The following MLIP variants were observed in gnomAD, a reference collection of about 807,000 sequenced individuals.
The protein encoded by MLIP is muscular LMNA interacting protein.
Under a neutral mutation model 84.8 loss-of-function variants are expected in MLIP, and 79 were observed. The ratio of observed to expected loss-of-function variants is 0.93; its 90% CI spans 0.78 to 1.12. The LOEUF is 1.12. Ranked by LOEUF, MLIP falls within the 50% of genes most tolerant of loss-of-function variation. The pLI is 0.00. For synonymous variants in MLIP, 504 were observed against 463.0 expected, an observed-to-expected ratio of 1.09 and a Z score of -1.14; for missense variants, 1,257 against 1,160.6, an observed-to-expected ratio of 1.08 and a Z score of -1.21.
At chr6:54,166,197 G>A (rs1332344603) in intron 8 of MLIP, among the ~76,000 whole-genome samples, 1 of 151,900 alleles carries the variant, frequency 6.6e-6, no homozygotes, top group East Asian at 1.9e-4. Flanking sequence ...AAGAATGTTT[G>A]TAGTTTGGTG....
At chr6:54,219,186 C>A (rs1307157615) in intron 11 of MLIP, among the ~76,000 whole-genome samples, 5 of 150,730 alleles carry the variant, frequency 3.3e-5, no homozygotes. Context: ...AGCCTGGGGA[C>A]AGAGCGAGAC....
At chr6:54,212,103 T>A (rs2150744398) in intron 11 of MLIP, among the ~76,000 whole-genome samples, 1 of 152,348 alleles carries the variant, frequency 6.6e-6, no homozygotes, top group South Asian at 2.1e-4. Flanking sequence ...TGATTCCAGA[T>A]ATATCGGCAA....
intron 11 of MLIP, chr6:54,216,673 A>G (rs1779876187): frequency 1.0e-6 from 1 of 984,244 alleles, no homozygotes; most frequent in Admixed American, 6.2e-5. Flanking sequence ...CACAAGTTCA[A>G]ATTTTCTTGG....
intron 3 of MLIP, among the ~76,000 whole-genome samples, chr6:54,129,152 A>G (rs754142666): frequency 6.6e-6 from 1 of 152,184 alleles, no homozygotes; most frequent in Non-Finnish European, 1.5e-5. Context: ...TCATGGATTC[A>G]TAGAAAAGGG....
At chr6:54,115,680 T>G (rs1307877335) in intron 1 of MLIP, among the ~76,000 whole-genome samples, 1 of 152,162 alleles carries the variant, frequency 6.6e-6, no homozygotes, top group Admixed American at 6.5e-5. Flanking sequence ...AAGAAGCATT[T>G]AATACGGGTG....
intron 1 of MLIP, among the ~76,000 whole-genome samples, chr6:54,029,628 C>A (rs1378224025): frequency 6.6e-6 from 1 of 152,070 alleles, no homozygotes; most frequent in Non-Finnish European, 1.5e-5. Flanking sequence ...TTAAACCCAG[C>A]AACTTTTTTT....
chr6:54,047,548 G>A (rs1765134970), intron 1 of MLIP: 1 of 152,216 alleles, frequency 6.6e-6, no homozygotes, highest in Non-Finnish European at 1.5e-5. Context: ...TGATGGCAGA[G>A]AGTAAGCAGG....
intron 5 of MLIP, among the ~76,000 whole-genome samples, chr6:54,153,195 A>C (rs1385504381): frequency 6.6e-6 from 1 of 151,942 alleles, no homozygotes; most frequent in Non-Finnish European, 1.5e-5. Context: ...TATAGGAAAA[A>C]CATTTTTTTT....
In MLIP at chr6:54,137,981, C is replaced by T. The variant is rs748746491; in HGVS notation, c.1912C>T (p.Pro638Ser). 3.3e-6 allele frequency: 5 copies of T among 1,535,924 alleles called. No homozygotes were observed. The South Asian group carries it at 5.9e-5, about 18-fold the overall frequency. The change falls in exon 4 of 14, where the codon CCT (proline) becomes TCT (serine). Residue 638 changes from proline to serine, a missense_variant. Physicochemically the swap from Pro to Ser is moderately conservative, Grantham distance 74. Coordinates refer to ENST00000502396, the MANE Select transcript of MLIP (RefSeq NM_001281747.2). ...SSQLSGQELNPSALPSLPVSS... is the reference protein window; with the variant it reads ...SSQLSGQELNSSALPSLPVSS... Reference sequence around the variant, plus strand: ...CCAACTATCTGGCCAGGAGCTGAATCCTTCAGCTCTTCCTTCACTCCCTGT... The same window carrying T: ...CCAACTATCTGGCCAGGAGCTGAATTCTTCAGCTCTTCCTTCACTCCCTGT...
At chr6:54,038,528 A>G (rs916621738) in intron 1 of MLIP, among the ~76,000 whole-genome samples, 1 of 151,914 alleles carries the variant, frequency 6.6e-6, no homozygotes, top group African/African-American at 2.4e-5. Context: ...TGTTTATTCA[A>G]TTTATTAAAA....
At chr6:54,258,195 CA>C (rs1783142441) in intron 13 of MLIP, among the ~76,000 whole-genome samples, 1 of 152,016 alleles carries the variant, frequency 6.6e-6, no homozygotes, top group African/African-American at 2.4e-5. Flanking sequence ...CTTAATTTTG[CA>C]GCCTCCAAGT....
intron 8 of MLIP, among the ~76,000 whole-genome samples, chr6:54,166,670 C>T (rs572711133): frequency 6.6e-6 from 1 of 152,020 alleles, no homozygotes; most frequent in East Asian, 1.9e-4. Context: ...CATGAGTCCT[C>T]AAACTTCTCA....
intron 1 of MLIP, among the ~76,000 whole-genome samples, chr6:54,092,795 C>T (rs1207125530): frequency 6.6e-6 from 1 of 151,916 alleles, no homozygotes; most frequent in African/African-American, 2.4e-5. Context: ...AATTATAGTC[C>T]CATTGACTTT....
intron 12 of MLIP, among the ~76,000 whole-genome samples, chr6:54,254,220 G>A (rs962121164): frequency 4.0e-5 from 6 of 150,518 alleles, no homozygotes; most frequent in African/African-American, 1.2e-4. Flanking sequence ...TCCACCTCCC[G>A]GGTTCAAGCA....
At chr6:54,081,241 G>A (rs997149329) in intron 1 of MLIP, among the ~76,000 whole-genome samples, 2 of 152,198 alleles carry the variant, frequency 1.3e-5, no homozygotes, top group Non-Finnish European at 2.9e-5. Flanking sequence ...ATACCCGCAG[G>A]TCTCCATGGT....
intron 4 of MLIP, among the ~76,000 whole-genome samples, chr6:54,139,255 G>A (rs1772091241): frequency 6.6e-6 from 1 of 152,136 alleles, no homozygotes; most frequent in African/African-American, 2.4e-5. Context: ...TAAATCTACA[G>A]TACAGCTAGA....
intron 12 of MLIP, among the ~76,000 whole-genome samples, chr6:54,254,129 GT>G (rs68110508): frequency 0.26 from 33,555 of 129,422 alleles, 4,680 homozygotes; most frequent in African/African-American, 0.42. Context: ...TTTTTTTGCT[GT>G]TTTTTTTTTT....
chr6:54,153,210 G>T (rs1773640977), intron 5 of MLIP, among the ~76,000 whole-genome samples: 2 of 151,756 alleles, frequency 1.3e-5, no homozygotes, highest in African/African-American at 2.4e-5. Context: ...TTTTTTTGGT[G>T]CAAGGAATAT....
intron 8 of MLIP, 120 bp from the exon 9 acceptor site, chr6:54,169,408 A>G (rs1044428304): frequency 7.5e-6 from 4 of 535,418 alleles, no homozygotes; most frequent in African/African-American, 5.9e-5. Context: ...ATGATATTGT[A>G]TAGAGAGAGC....
Sources: gnomAD v4.1 joint callset for allele counts (sites outside exome capture counted in the v4.1 genomes callset) on GRCh38, gnomAD v4.1.1 for gene constraint, MANE v1.5 for transcripts, NCBI Gene and HGNC (gene_info 2026-07-23, HGNC 2026-07-21) for gene names.